Variants in RSRC1 observed in about 807,000 individuals in gnomAD.
The protein encoded by RSRC1 is arginine and serine rich coiled-coil 1, also known as serine/Arginine-related protein 53.
A neutral mutation model predicts 49.1 loss-of-function variants in RSRC1; 39 were observed. The ratio of observed to expected loss-of-function variants is 0.79; its 90% CI spans 0.61 to 1.04. The LOEUF (loss-of-function observed/expected upper bound fraction) is 1.04. RSRC1 is among the 50% of genes least tolerant of loss of function. The pLI is 0.00. For missense variants in RSRC1, 388 were observed against 402.4 expected, an observed-to-expected ratio of 0.96 and a Z score of 0.31; for synonymous variants, 143 against 130.8, an observed-to-expected ratio of 1.09 and a Z score of -0.63.
chr3:158,285,004 T>C (rs1266895735), intron 4 of RSRC1, among the ~76,000 whole-genome samples: 1 of 152,232 alleles, frequency 6.6e-6, no homozygotes, highest in East Asian at 1.9e-4. Flanking sequence ...CTAGGTTTTC[T>C]TCTAGGGTTT....
At chr3:158,395,064 A>G (rs1186100810) in intron 6 of RSRC1, among the ~76,000 whole-genome samples, 1 of 152,144 alleles carries the variant, frequency 6.6e-6, no homozygotes, top group Admixed American at 6.6e-5. Flanking sequence ...GAAGTCAACA[A>G]AAGCAAGCAA....
chr3:158,358,776 C>G (rs1448548464), intron 6 of RSRC1, among the ~76,000 whole-genome samples: 1 of 152,050 alleles, frequency 6.6e-6, no homozygotes, highest in Non-Finnish European at 1.5e-5. Context: ...TTCCCCCAAG[C>G]CCTTGACAAC....
intron 7 of RSRC1, chr3:158,496,762 C>T: frequency 3.5e-6 from 1 of 285,522 alleles, no homozygotes; most frequent in Non-Finnish European, 7.4e-6. Flanking sequence ...TGCTGAACAC[C>T]AAATCTACCT....
intron 7 of RSRC1, among the ~76,000 whole-genome samples, chr3:158,473,873 T>C (rs1312333680): frequency 1.3e-5 from 2 of 152,176 alleles, no homozygotes; most frequent in Non-Finnish European, 2.9e-5. Context: ...TAAATACTTC[T>C]TAACTGATTA....
intron 7 of RSRC1, among the ~76,000 whole-genome samples, chr3:158,461,771 G>T (rs1737626477): frequency 6.6e-6 from 1 of 151,750 alleles, no homozygotes; most frequent in African/African-American, 2.4e-5. Flanking sequence ...GTGAGCTTTT[G>T]AGAAGTTGAA....
chr3:158,411,175 T>G (rs1734447344), intron 6 of RSRC1, among the ~76,000 whole-genome samples: 1 of 151,932 alleles, frequency 6.6e-6, no homozygotes. Flanking sequence ...TATTACAAAC[T>G]TTTTTTAACC....
At chr3:158,332,671 T>G (rs968250212) in intron 5 of RSRC1, among the ~76,000 whole-genome samples, 1 of 152,120 alleles carries the variant, frequency 6.6e-6, no homozygotes, top group African/African-American at 2.4e-5. Flanking sequence ...CATTTTTCCC[T>G]GATCCATCCA....
At chr3:158,432,392 A>G (rs1436611614) in intron 6 of RSRC1, among the ~76,000 whole-genome samples, 1 of 151,944 alleles carries the variant, frequency 6.6e-6, no homozygotes, top group Non-Finnish European at 1.5e-5. Flanking sequence ...TAACCAGGAC[A>G]TAAGAGAGTC....
At chr3:158,174,691 T>C (rs1453454378) in intron 3 of RSRC1, among the ~76,000 whole-genome samples, 1 of 152,074 alleles carries the variant, frequency 6.6e-6, no homozygotes, top group African/African-American at 2.4e-5. Flanking sequence ...TAATGTTGTT[T>C]CATGTAGCTC....
intron 6 of RSRC1, among the ~76,000 whole-genome samples, chr3:158,460,605 T>C (rs1737559190): frequency 6.6e-6 from 1 of 151,866 alleles, no homozygotes. Flanking sequence ...TTAAAACAAA[T>C]GCATTACACT....
chr3:158,424,112 G>C (rs1444031694), intron 6 of RSRC1, among the ~76,000 whole-genome samples: 1 of 152,068 alleles, frequency 6.6e-6, no homozygotes, highest in African/African-American at 2.4e-5. Flanking sequence ...ACACTATGTT[G>C]AATAGGAGTA....
chr3:158,181,891 T>G (rs909844685), intron 3 of RSRC1, among the ~76,000 whole-genome samples: 1 of 152,214 alleles, frequency 6.6e-6, no homozygotes, highest in Non-Finnish European at 1.5e-5. Context: ...CATTTTTTTG[T>G]GAAGGCACTA....
rs1263564032 is a variant in RSRC1 at position 158,539,033 on chromosome 3, G to A, written c.759+1835G>A. Among the ~76,000 whole-genome samples the A allele has an allele frequency of 2.0e-5, 3 of 151,920 alleles. No individual in the cohort carries two copies. The highest frequency in any genetic ancestry group is 4.4e-5 in the Non-Finnish European group (3 of 67,886). On this transcript the variant is annotated intron_variant, in intron 8 of 9. Transcript: ENST00000611884. This position sits in a 1 kb window ranked among gnomAD's most constrained non-coding sequence, Gnocchi z 4.1. ...ATGAGGAGATTACTTAGCAAAAGGA[G>A]GTAAATTATCTTGTGGACCCTTTTA...
At position 158,369,101 on chromosome 3, in the gene RSRC1, G is replaced by A. The variant is rs1305544388; in HGVS notation, c.583+14193G>A. 2.2e-4 allele frequency among the ~76,000 whole-genome samples: 33 copies of A among 152,054 alleles called. 1 individual carries two copies. The highest frequency in any genetic ancestry group is 2.2e-3 in the Admixed American group (33 of 15,260). On this transcript the variant is annotated intron_variant, in intron 6 of 9. Transcript: ENST00000611884. The stretch of plus-strand genomic sequence containing the variant: ...ATTCATGAAGTATTTAAAATAATGA[G>A]TGCCATTTATTGAGCATCTACTATG...
chr3:158,467,959 A>G (rs1055357967), intron 7 of RSRC1, among the ~76,000 whole-genome samples: 1 of 152,208 alleles, frequency 6.6e-6, no homozygotes, highest in South Asian at 2.1e-4. Flanking sequence ...TTTGAGACGG[A>G]GTCTCGCTCT....
intron 3 of RSRC1, among the ~76,000 whole-genome samples, chr3:158,145,440 G>T (rs1016821167): frequency 3.3e-5 from 5 of 152,140 alleles, no homozygotes; most frequent in Admixed American, 2.6e-4. Context: ...TCAGATAGTT[G>T]TAGATATGTG....
At chr3:158,273,088 G>A (rs1267781417) in intron 4 of RSRC1, among the ~76,000 whole-genome samples, 1 of 151,958 alleles carries the variant, frequency 6.6e-6, no homozygotes, top group African/African-American at 2.4e-5. Context: ...TAATTTGCAG[G>A]TTTTAATCCC....
At chr3:158,198,523 C>T (rs941480179) in intron 3 of RSRC1, among the ~76,000 whole-genome samples, 57 of 152,206 alleles carry the variant, frequency 3.7e-4, no homozygotes, top group Non-Finnish European at 6.0e-4. Context: ...TGAATTTGAT[C>T]CTGTCATTAT....
chr3:158,193,475 T>G (rs1720357808), intron 3 of RSRC1, among the ~76,000 whole-genome samples: 1 of 152,130 alleles, frequency 6.6e-6, no homozygotes, highest in African/African-American at 2.4e-5. Context: ...CTCACCTGTC[T>G]TTTGTTACTC....
Sources: allele counts gnomAD v4.1 joint callset (sites outside exome capture counted in the v4.1 genomes callset), GRCh38; gene constraint gnomAD v4.1.1; non-coding constraint Gnocchi (gnomAD v3.1); transcripts MANE v1.5; gene names NCBI Gene and HGNC (gene_info 2026-07-23, HGNC 2026-07-21).